FNIP1: variants seen among roughly 807,000 people sequenced by gnomAD.
FNIP1 encodes folliculin interacting protein 1, also known as folliculin-interacting protein 1.
A neutral mutation model predicts 124.5 loss-of-function variants in FNIP1; 40 were observed. The observed-to-expected ratio is 0.32, with a 90% CI of 0.25 to 0.42. The LOEUF is 0.42. Ranked by LOEUF, FNIP1 falls within the 10% of genes least tolerant of loss-of-function variation. The probability of loss-of-function intolerance (pLI) is 1.00; values close to 1 mark genes in which losing one functional copy is unlikely to be tolerated. For missense variants in FNIP1, 1,176 were observed against 1,403.7 expected (o/e 0.84, Z 2.59); for synonymous variants, 472 against 470.6 (o/e 1.00, Z -0.04).
chr5:131,792,160 CTT>C (rs1236842478), intron 1 of FNIP1, among the ~76,000 whole-genome samples: 5 of 137,206 alleles, frequency 3.6e-5, no homozygotes, highest in Admixed American at 7.3e-5. Flanking sequence ...ATAACTGGCA[CTT>C]TTTTTTTTTT....
chr5:131,739,683 G>A (rs778335741), intron 2 of FNIP1, among the ~76,000 whole-genome samples: 71 of 151,840 alleles, frequency 4.7e-4, no homozygotes, highest in Middle Eastern at 3.4e-3. Flanking sequence ...CGTGGTGGCC[G>A]GTGCCTGTAG....
At chr5:131,785,981 C>G (rs777503036) in intron 1 of FNIP1, among the ~76,000 whole-genome samples, 1 of 152,020 alleles carries the variant, frequency 6.6e-6, no homozygotes, top group Non-Finnish European at 1.5e-5. Context: ...GGAGTCATAA[C>G]CGATTCCAAA....
chr5:131,703,036 C>A (rs1428261439), intron 10 of FNIP1, among the ~76,000 whole-genome samples: 1 of 152,200 alleles, frequency 6.6e-6, no homozygotes, highest in South Asian at 2.1e-4. Flanking sequence ...CATAAAAACA[C>A]AAGGATGTCC....
rs557652095 is a variant in FNIP1, at chr5:131,694,790, TATATC to T, written c.1202+4122_1202+4126del. Among the ~76,000 whole-genome samples, 423 of 152,216 alleles carry T rather than the reference TATATC, an allele frequency of 2.8e-3. 1 individual carries two copies. Among genetic ancestry groups the T allele is most frequent in the Non-Finnish European group, 5.2e-3 (352 of 68,014 alleles). On this transcript the variant is annotated intron_variant, in intron 11 of 17. Transcript: ENST00000510461. ...ACATTAGTTCATTAGTTTTAACAAA[TATATC>T]ATACTAATGCAATACATTAATAACT...
intron 1 of FNIP1, among the ~76,000 whole-genome samples, chr5:131,753,281 T>G (rs1176033286): frequency 1.3e-5 from 2 of 152,186 alleles, no homozygotes; most frequent in African/African-American, 4.8e-5. Flanking sequence ...CACAGGAAAT[T>G]TATCCAATAA....
Position 131,709,166 on chromosome 5 carries a change from C to A in FNIP1, c.778+35G>T, listed in dbSNP as rs769379243. ...AAAGAAAATCAATGCCAACAGTAAT[C>A]TCATAAAAAACTGAATACAAGAACG... On this transcript the variant is annotated intron_variant, in intron 8 of 17. Transcript: ENST00000510461. 5 of 1,561,600 alleles carry A rather than the reference C, an allele frequency of 3.2e-6. No homozygotes were observed. In the South Asian group the frequency reaches 3.4e-5, roughly 11 times the overall value.
chr5:131,653,017 T>A (rs941806643), intron 15 of FNIP1, among the ~76,000 whole-genome samples: 1 of 151,970 alleles, frequency 6.6e-6, no homozygotes, highest in Non-Finnish European at 1.5e-5. Context: ...TTCACACAAA[T>A]AAGTCAATGG....
chr5:131,665,214 T>C (rs1466855958), intron 15 of FNIP1, among the ~76,000 whole-genome samples: 1 of 152,078 alleles, frequency 6.6e-6, no homozygotes, highest in Non-Finnish European at 1.5e-5. Flanking sequence ...TTCTGTCTTA[T>C]GATATACCGG....
At chr5:131,715,644 G>A (rs1413453926) in intron 6 of FNIP1, among the ~76,000 whole-genome samples, 1 of 152,072 alleles carries the variant, frequency 6.6e-6, no homozygotes, top group Non-Finnish European at 1.5e-5. Context: ...AACGAGTTAA[G>A]AAAATGCAGA....
intron 3 of FNIP1, among the ~76,000 whole-genome samples, chr5:131,727,990 C>T (rs1026324800): frequency 5.3e-5 from 8 of 152,130 alleles, no homozygotes; most frequent in African/African-American, 1.7e-4. Flanking sequence ...TCTTTAAGAA[C>T]GTTGAATATT....
intron 15 of FNIP1, among the ~76,000 whole-genome samples, chr5:131,666,663 A>G (rs1767612327): frequency 6.6e-6 from 1 of 152,224 alleles, no homozygotes; most frequent in African/African-American, 2.4e-5. Flanking sequence ...AAGTACCTCA[A>G]AGGATTATTA....
intron 15 of FNIP1, among the ~76,000 whole-genome samples, chr5:131,658,844 G>T (rs1767291707): frequency 7.9e-6 from 1 of 126,652 alleles, no homozygotes; most frequent in Non-Finnish European, 1.6e-5. Context: ...AACTTTGGGG[G>T]ATGCTTGCTC....
chr5:131,735,716 G>A (rs1770278408), intron 2 of FNIP1, among the ~76,000 whole-genome samples: 1 of 150,576 alleles, frequency 6.6e-6, no homozygotes, highest in Non-Finnish European at 1.5e-5. Flanking sequence ...TTCAAAACCT[G>A]TATCCTTGAG....
intron 2 of FNIP1, among the ~76,000 whole-genome samples, chr5:131,735,147 A>G (rs1323980669): frequency 6.6e-6 from 1 of 152,202 alleles, no homozygotes; most frequent in Non-Finnish European, 1.5e-5. Context: ...GGATGAGTTC[A>G]TGTCCTTTGT....
At chr5:131,683,565 A>G (rs923374887) in intron 11 of FNIP1, among the ~76,000 whole-genome samples, 3 of 151,828 alleles carry the variant, frequency 2.0e-5, no homozygotes, top group Non-Finnish European at 2.9e-5. Context: ...AAAAAAAAAA[A>G]AAAAAAACCA....
chr5:131,642,060 G>GA lies in FNIP1; in HGVS notation c.*2624dup, dbSNP rs1766733412. The GA allele has an allele frequency of 6.6e-6, 1 of 152,406 alleles. No homozygotes were observed. Among genetic ancestry groups the GA allele is most frequent in the African/African-American group, 2.4e-5 (1 of 41,362 alleles). 9.4% of individuals were successfully genotyped at this position (152,406 alleles called of 1,614,324 possible). The stretch of plus-strand genomic sequence containing the variant: ...ATCAAACCAATTAGTTTATATACAA[G>GA]AAAAAATTAGTTTTAATTCTATAAT... On this transcript the variant is annotated 3_prime_UTR_variant, in exon 18 of 18. Coordinates refer to ENST00000510461, the MANE Select transcript of FNIP1 (RefSeq NM_133372.3).
At chr5:131,689,152 CAA>C (rs36082666) in intron 11 of FNIP1, among the ~76,000 whole-genome samples, 2 of 140,054 alleles carry the variant, frequency 1.4e-5, no homozygotes, top group East Asian at 2.1e-4. Flanking sequence ...AGAAACTATG[CAA>C]AAAAAAAAAG....
intron 15 of FNIP1, among the ~76,000 whole-genome samples, chr5:131,654,732 A>G (rs985081153): frequency 6.6e-6 from 1 of 152,182 alleles, no homozygotes; most frequent in African/African-American, 2.4e-5. Context: ...ACTACTGGTG[A>G]AAAAAATGGG....
intron 11 of FNIP1, among the ~76,000 whole-genome samples, chr5:131,681,989 A>G (rs1768100772): frequency 6.6e-6 from 1 of 152,186 alleles, no homozygotes; most frequent in Admixed American, 6.5e-5. Flanking sequence ...ATATGGAAGT[A>G]AATAACAAGA....
Sources: allele counts gnomAD v4.1 joint callset (sites outside exome capture counted in the v4.1 genomes callset), GRCh38; gene constraint gnomAD v4.1.1; transcripts MANE v1.5; gene names NCBI Gene and HGNC (gene_info 2026-07-23, HGNC 2026-07-21).